Variants in SLC15A1 observed in about 807,000 individuals in gnomAD.
The protein encoded by SLC15A1 is solute carrier family 15 member 1.
Under a neutral mutation model 92.9 loss-of-function variants are expected in SLC15A1, and 83 were observed. That is an observed-to-expected ratio of 0.89 (90% CI 0.75 to 1.07). SLC15A1 has a LOEUF of 1.07. SLC15A1 is among the 50% of genes least tolerant of loss of function. The pLI, the probability that SLC15A1 is intolerant of heterozygous loss-of-function variation, is 0.00. For missense variants in SLC15A1, 857 were observed against 880.1 expected (o/e 0.97, Z 0.33); for synonymous variants, 322 against 318.2 (o/e 1.01, Z -0.13).
At chr13:98,719,841 G>C (rs762435712) in intron 7 of SLC15A1, among the ~76,000 whole-genome samples, 16 of 152,248 alleles carry the variant, frequency 1.1e-4, no homozygotes, top group Middle Eastern at 3.4e-3. Context: ...GAAATCAACT[G>C]TAGACAATAC....
At chr13:98,685,997 AAAG>A (rs149596366) in intron 22 of SLC15A1, among the ~76,000 whole-genome samples, 190 bp downstream of exon 22, 12,686 of 149,556 alleles carry the variant, frequency 0.085, 579 homozygotes, top group African/African-American at 0.13. Context: ...AAAAAAAAAA[AAAG>A]AAGAAGAAGA....
Position 98,704,419 on chromosome 13 carries a change from G to C in SLC15A1, c.1286C>G (p.Thr429Ser), listed in dbSNP as rs368610950. Residue 429 changes from threonine to serine, a missense_variant, in exon 17 of 23, where the codon ACT (threonine) becomes AGT (serine). Coordinates refer to ENST00000376503, the MANE Select transcript of SLC15A1 (RefSeq NM_005073.4). ...GPMSQTNAFM[T>S]FDVNKLTRIN... is the part of the protein sequence containing the mutation. ...CCTTGTCAGTTTGTTTACATCAAAAGTCATAAATGCATTTGTCTATAGAGG... is the reference window on the plus strand; with the variant it reads ...CCTTGTCAGTTTGTTTACATCAAAACTCATAAATGCATTTGTCTATAGAGG... 1.1e-5 allele frequency: 17 copies of C among 1,613,352 alleles called. No individual in the cohort carries two copies. Among genetic ancestry groups the C allele is most frequent in the Non-Finnish European group, 1.4e-5 (16 of 1,179,714 alleles).
intron 17 of SLC15A1, 73 bp downstream of exon 17, chr13:98,704,216 G>C (rs2088092714): frequency 9.0e-6 from 13 of 1,449,132 alleles, no homozygotes; most frequent in Non-Finnish European, 1.2e-5. Flanking sequence ...GTAAAACAAA[G>C]TCACACCATA....
intron 1 of SLC15A1, among the ~76,000 whole-genome samples, chr13:98,731,002 C>T (rs1466797166): frequency 6.6e-6 from 1 of 152,196 alleles, no homozygotes; most frequent in Non-Finnish European, 1.5e-5. Flanking sequence ...AAGGTCACCT[C>T]GGACCGTCAC....
intron 18 of SLC15A1, among the ~76,000 whole-genome samples, chr13:98,697,636 T>A (rs1280834380): frequency 2.3e-4 from 33 of 140,932 alleles, no homozygotes; most frequent in East Asian, 4.2e-4. Context: ...TTTTTTTTTT[T>A]AAATCTTTTA....
intron 1 of SLC15A1, among the ~76,000 whole-genome samples, chr13:98,728,542 G>A (rs1011132094): frequency 6.6e-6 from 1 of 152,124 alleles, no homozygotes. Flanking sequence ...GTAGAATGGT[G>A]GTTACCAGAG....
In SLC15A1 at chr13:98,752,592, T is replaced by C. The variant is rs779387755; in HGVS notation, c.4+3A>G. 2.7e-5 allele frequency: 34 copies of C among 1,257,056 alleles called. No homozygotes were observed. The highest frequency in any genetic ancestry group is 3.4e-5 in the Non-Finnish European group (34 of 1,001,090). 77.9% of individuals were successfully genotyped at this position (1,257,056 alleles called of 1,614,324 possible). ...CGGCCGGCCCCCCACCCGCCGAGCG[T>C]ACCCATGGCGGCGGCTCCCAGGGCT... On this transcript the variant is annotated splice_donor_region_variant and intron_variant, in intron 1 of 22. Transcript: ENST00000376503.
rs543427698 is a variant in SLC15A1, at chr13:98,704,950, G to C, written c.1270-515C>G. Among the ~76,000 whole-genome samples, 5 of 152,200 alleles carry C rather than the reference G, an allele frequency of 3.3e-5. No homozygotes were observed. In the South Asian group the frequency reaches 1.0e-3, roughly 32 times the overall value. On this transcript the variant is annotated intron_variant, in intron 16 of 22. Transcript: ENST00000376503. ...GCGGTGGTTCATGCCTGTAATCCCA[G>C]CACTTTGGGAGGCTGAGGCAGGCCA...
intron 1 of SLC15A1, among the ~76,000 whole-genome samples, chr13:98,748,257 A>G (rs541494431): frequency 1.6e-4 from 25 of 151,810 alleles, no homozygotes; most frequent in Non-Finnish European, 3.2e-4. Flanking sequence ...TTCATTTCTC[A>G]CTCCTATTCA....
In SLC15A1 at chr13:98,706,816, C is replaced by T. The variant is rs530741030; in HGVS notation, c.1150-563G>A. On this transcript the variant is annotated intron_variant, in intron 15 of 22. Coordinates refer to ENST00000376503, the MANE Select transcript of SLC15A1 (RefSeq NM_005073.4). ...GCATGAGAATGGACTAATACGTGAA[C>T]GAGTCAGAAAGATGCTGCTCTTATC... Among the ~76,000 whole-genome samples the T allele has an allele frequency of 1.4e-4, 22 of 152,212 alleles. No individual in the cohort carries two copies. The South Asian group carries it at 1.9e-3, about 13-fold the overall frequency.
chr13:98,743,746 C>A (rs934941666), intron 1 of SLC15A1, among the ~76,000 whole-genome samples: 5 of 152,224 alleles, frequency 3.3e-5, no homozygotes, highest in Non-Finnish European at 7.3e-5. Context: ...TATTTTTAGT[C>A]TAGAAGAACA....
chr13:98,750,807 G>A (rs556893460), intron 1 of SLC15A1, among the ~76,000 whole-genome samples: 5 of 150,732 alleles, frequency 3.3e-5, no homozygotes, highest in East Asian at 2.0e-4. Flanking sequence ...GCTGGAGTGC[G>A]GTGGCACCAC....
intron 9 of SLC15A1, among the ~76,000 whole-genome samples, chr13:98,713,732 G>A (rs2088186625): frequency 1.3e-5 from 2 of 152,076 alleles, no homozygotes; most frequent in South Asian, 4.2e-4. Context: ...GGTGGAGGCT[G>A]GAGGCATGAG....
chr13:98,684,681 G>A lies in SLC15A1; in HGVS notation c.*43C>T. ...CCTGCTACCTGGGGGCAGAGGTCAG[G>A]GCATCTGCGGGCCCAGTCCATCCTC... is the stretch of plus-strand genomic sequence containing the variant. On this transcript the variant is annotated 3_prime_UTR_variant, in exon 23 of 23. Coordinates refer to ENST00000376503, the MANE Select transcript of SLC15A1 (RefSeq NM_005073.4). 6.4e-7 allele frequency: 1 copy of A among 1,563,888 alleles called. No homozygotes were observed. The highest frequency in any genetic ancestry group is 1.1e-5 in the South Asian group (1 of 87,144).
At chr13:98,710,860 T>G (rs1424750125) in intron 11 of SLC15A1, among the ~76,000 whole-genome samples, 1 of 144,308 alleles carries the variant, frequency 6.9e-6, no homozygotes, top group Non-Finnish European at 1.5e-5. Flanking sequence ...GAGTTCTTCA[T>G]ACAGGCCAGT....
At chr13:98,703,225 AAGAAAAG>A (rs2139573800) in intron 17 of SLC15A1, among the ~76,000 whole-genome samples, 1 of 139,812 alleles carries the variant, frequency 7.2e-6, no homozygotes, top group Non-Finnish European at 1.5e-5. Context: ...GAGAAAAGAG[AAGAAAAG>A]AGAAGAGAGA....
chr13:98,710,267 G>C (rs1216707996), intron 11 of SLC15A1, among the ~76,000 whole-genome samples: 1 of 152,048 alleles, frequency 6.6e-6, no homozygotes, highest in Admixed American at 6.6e-5. Flanking sequence ...TGTTGCAGAT[G>C]GTCCATATTC....
intron 18 of SLC15A1, among the ~76,000 whole-genome samples, chr13:98,699,461 C>G (rs1454291500): frequency 6.6e-6 from 1 of 152,180 alleles, no homozygotes; most frequent in African/African-American, 2.4e-5. Flanking sequence ...GCATTCACAT[C>G]GTTGTATCAA....
intron 1 of SLC15A1, among the ~76,000 whole-genome samples, chr13:98,746,916 G>T: frequency 6.6e-6 from 1 of 152,166 alleles, no homozygotes; most frequent in South Asian, 2.1e-4. Context: ...CCCTGTCCCT[G>T]TGCCCCGTGG....
Sources: allele counts gnomAD v4.1 joint callset (sites outside exome capture counted in the v4.1 genomes callset), GRCh38; gene constraint gnomAD v4.1.1; transcripts MANE v1.5; gene names NCBI Gene and HGNC (gene_info 2026-07-23, HGNC 2026-07-21).